ST7: variants seen among roughly 807,000 people sequenced by gnomAD.
ST7 encodes suppression of tumorigenicity 7, also known as suppressor of tumorigenicity 7 protein.
A neutral mutation model predicts 78.7 loss-of-function variants in ST7; 28 were observed. That is an observed-to-expected ratio of 0.36 (90% confidence interval 0.26 to 0.49). The LOEUF is 0.49. Ranked by LOEUF, ST7 falls within the 20% of genes least tolerant of loss-of-function variation. The pLI is 0.99. For synonymous variants in ST7, 247 were observed against 249.6 expected (o/e 0.99, Z 0.10); for missense variants, 418 against 696.0 (o/e 0.60, Z 4.49).
chr7:117,218,435 A>G (rs1345462670), intron 13 of ST7, among the ~76,000 whole-genome samples: 2 of 152,240 alleles, frequency 1.3e-5, no homozygotes, highest in Admixed American at 1.3e-4. Flanking sequence ...ATCTGATGCT[A>G]CAAAAGCAGA....
chr7:117,121,840 T>A (rs1366301280), intron 3 of ST7, among the ~76,000 whole-genome samples: 3 of 151,546 alleles, frequency 2.0e-5, no homozygotes, highest in African/African-American at 7.3e-5. Flanking sequence ...AAATGTTTAC[T>A]GAGGTGACAA....
intron 1 of ST7, among the ~76,000 whole-genome samples, chr7:117,043,544 C>A (rs552322291): frequency 6.6e-6 from 1 of 152,192 alleles, no homozygotes; most frequent in African/African-American, 2.4e-5. Flanking sequence ...CCCAAGTCAA[C>A]AAGCCTTCTC....
At chr7:117,052,943 G>T (rs1038316213) in intron 1 of ST7, among the ~76,000 whole-genome samples, 1 of 152,028 alleles carries the variant, frequency 6.6e-6, no homozygotes, top group Non-Finnish European at 1.5e-5. Flanking sequence ...TCAGTGTGTT[G>T]CTTCATACTT....
At chr7:117,129,761 G>A (rs373145918) in intron 3 of ST7, 32 bp from the exon 4 acceptor site, 35 of 1,573,614 alleles carry the variant, frequency 2.2e-5, no homozygotes, top group African/African-American at 5.4e-5. Flanking sequence ...CTGAACTTAC[G>A]CGTAACATTT....
chr7:117,132,001 T>C (rs762347055), intron 6 of ST7, 41 bp downstream of exon 6: 31 of 1,565,974 alleles, frequency 2.0e-5, no homozygotes, highest in Non-Finnish European at 2.5e-5. Context: ...GGAAATCTCA[T>C]CCTTTGCTGA....
At chr7:117,115,653 C>T (rs957129518) in intron 2 of ST7, among the ~76,000 whole-genome samples, 15 of 152,112 alleles carry the variant, frequency 9.9e-5, no homozygotes, top group Admixed American at 5.9e-4. Context: ...CGCGCCCAGC[C>T]GGTAGGTTAC....
intron 13 of ST7, among the ~76,000 whole-genome samples, chr7:117,215,389 T>G (rs1323345892): frequency 2.0e-5 from 3 of 152,202 alleles, no homozygotes; most frequent in Non-Finnish European, 4.4e-5. Context: ...GAATTTTTAC[T>G]TATAAACTAG....
At chr7:117,064,104 G>T (rs1306112845) in intron 1 of ST7, among the ~76,000 whole-genome samples, 1 of 151,140 alleles carries the variant, frequency 6.6e-6, no homozygotes, top group East Asian at 1.9e-4. Context: ...TTTTAATACG[G>T]CATTTTATTC....
At chr7:117,207,867 C>G (rs1016186330) in intron 12 of ST7, among the ~76,000 whole-genome samples, 4 of 152,002 alleles carry the variant, frequency 2.6e-5, no homozygotes, top group African/African-American at 7.3e-5. Flanking sequence ...TATGGATAAC[C>G]AAATGCTCTT....
chr7:117,084,780 A>G (rs1800019698), intron 1 of ST7, among the ~76,000 whole-genome samples: 1 of 152,238 alleles, frequency 6.6e-6, no homozygotes, highest in Admixed American at 6.5e-5. Context: ...AAGTACCAAT[A>G]ATAATTTTCA....
chr7:117,031,882 ATTT>A (rs760153477), intron 1 of ST7, among the ~76,000 whole-genome samples: 4,540 of 110,250 alleles, frequency 0.041, 508 homozygotes, highest in African/African-American at 0.072. Context: ...ATATATATAT[ATTT>A]TTTTTTTTTT....
intron 1 of ST7, among the ~76,000 whole-genome samples, chr7:117,077,942 C>T (rs1348553119): frequency 3.3e-5 from 5 of 150,750 alleles, no homozygotes; most frequent in Admixed American, 6.6e-5. Flanking sequence ...TGAGATTAGC[C>T]CTTTGTGATA....
chr7:117,060,652 T>C (rs1798301012), intron 1 of ST7, among the ~76,000 whole-genome samples: 1 of 152,242 alleles, frequency 6.6e-6, no homozygotes, highest in African/African-American at 2.4e-5. Flanking sequence ...ATAATGTTTT[T>C]CATATATATC....
At chr7:117,143,448 G>T (rs1443259414) in intron 9 of ST7, among the ~76,000 whole-genome samples, 2 of 152,070 alleles carry the variant, frequency 1.3e-5, no homozygotes, top group East Asian at 3.9e-4. Flanking sequence ...CCTCATCTTT[G>T]TGACTTCCAA....
chr7:117,026,069 G>C (rs1796168192), intron 1 of ST7, among the ~76,000 whole-genome samples: 1 of 152,106 alleles, frequency 6.6e-6, no homozygotes, highest in Admixed American at 6.5e-5. Context: ...TTCATATCCT[G>C]TATAAACTGT....
chr7:117,154,666 G>A (rs1178843056), intron 9 of ST7, among the ~76,000 whole-genome samples: 1 of 152,222 alleles, frequency 6.6e-6, no homozygotes, highest in African/African-American at 2.4e-5. Flanking sequence ...AATCCTGGAG[G>A]TTTACTGGGT....
chr7:117,013,401 G>A (rs1447339010), intron 1 of ST7, among the ~76,000 whole-genome samples: 1 of 152,250 alleles, frequency 6.6e-6, no homozygotes, highest in Non-Finnish European at 1.5e-5. Flanking sequence ...CTTAGCAACA[G>A]TGACAGGTGA....
intron 1 of ST7, among the ~76,000 whole-genome samples, chr7:116,988,916 A>T (rs1437462028): frequency 6.6e-6 from 1 of 152,222 alleles, no homozygotes; most frequent in Non-Finnish European, 1.5e-5. Flanking sequence ...CTGAGGGTTT[A>T]TGATGCTCTA....
intron 1 of ST7, among the ~76,000 whole-genome samples, chr7:117,027,869 T>C (rs1796289280): frequency 6.6e-6 from 1 of 152,166 alleles, no homozygotes; most frequent in Non-Finnish European, 1.5e-5. Context: ...TGTAGCAGGG[T>C]ACCTAGCATA....
Sources: allele counts gnomAD v4.1 joint callset (sites outside exome capture counted in the v4.1 genomes callset), GRCh38; gene constraint gnomAD v4.1.1; transcripts MANE v1.5; gene names NCBI Gene and HGNC (gene_info 2026-07-23, HGNC 2026-07-21).